The following TLK1 variants were observed in gnomAD, a reference collection of about 807,000 sequenced individuals.
TLK1 encodes the protein tousled like kinase 1.
A neutral mutation model predicts 105.3 loss-of-function variants in TLK1; 24 were observed. That is an observed-to-expected ratio of 0.23 (90% confidence interval 0.17 to 0.32). The LOEUF is 0.32. TLK1 is among the 10% of genes least tolerant of loss of function. TLK1 has a pLI of 1.00. For missense variants in TLK1, 558 were observed against 910.5 expected, an observed-to-expected ratio of 0.61 and a Z score of 4.98; for synonymous variants, 321 against 310.4, an observed-to-expected ratio of 1.03 and a Z score of -0.36.
chr2:171,053,909 C>A, intron 7 of TLK1, 56 bp from the exon 8 acceptor site: 1 of 1,273,964 alleles, frequency 7.8e-7, no homozygotes. Flanking sequence ...TTCAAGCAAA[C>A]ATAAAACTAG....
chr2:171,224,501 G>C (rs1275851350), intron 1 of TLK1, among the ~76,000 whole-genome samples: 1 of 151,900 alleles, frequency 6.6e-6, no homozygotes, highest in Non-Finnish European at 1.5e-5. Context: ...TGAAACTTTA[G>C]ACTGCTTTGT....
At position 170,991,055 on chromosome 2, in the gene TLK1, C is replaced by T. The variant is rs1401532675; in HGVS notation, c.*2725G>A. On this transcript the variant is annotated 3_prime_UTR_variant, in exon 21 of 21. Transcript: ENST00000431350. ...TTATTTTTGAAAAACCACCAAGTAT[C>T]TCCAACTCCCAACTTACAAATTAGG... 1.3e-5 allele frequency: 2 copies of T among 151,836 alleles called. No homozygotes were observed. Among genetic ancestry groups the T allele is most frequent in the Non-Finnish European group, 2.9e-5 (2 of 67,972 alleles). 9.4% of individuals were successfully genotyped at this position (151,836 alleles called of 1,614,324 possible). A position where few individuals can be genotyped will look rare whatever the true frequency, so the allele number is the denominator to read the frequency against.
At chr2:171,182,979 G>A (rs1391136525) in intron 1 of TLK1, among the ~76,000 whole-genome samples, 7 of 151,154 alleles carry the variant, frequency 4.6e-5, no homozygotes, top group Non-Finnish European at 1.0e-4. Context: ...ACATTATTGT[G>A]ACGCTGGACA....
intron 11 of TLK1, among the ~76,000 whole-genome samples, chr2:171,040,132 GA>G (rs1686590402): frequency 6.6e-6 from 1 of 151,138 alleles, no homozygotes; most frequent in Non-Finnish European, 1.5e-5. Flanking sequence ...TAAAAGGTGA[GA>G]AAAAAAGAAA....
At chr2:171,106,936 C>A (rs1339940232) in intron 2 of TLK1, among the ~76,000 whole-genome samples, 3 of 151,858 alleles carry the variant, frequency 2.0e-5, no homozygotes, top group Non-Finnish European at 4.4e-5. Flanking sequence ...GTCACAAAAA[C>A]GTCCTTTATA....
At chr2:171,127,280 AAAAAAAAAAAAAAG>A (rs1690909078) in intron 1 of TLK1, among the ~76,000 whole-genome samples, 1 of 117,622 alleles carries the variant, frequency 8.5e-6, no homozygotes, top group Non-Finnish European at 1.8e-5. Context: ...CCCGTCTCAA[AAAAAAAAAAAAAAG>A]AAAGAAAAAA....
intron 3 of TLK1, among the ~76,000 whole-genome samples, chr2:171,076,625 CG>C (rs1190768217): frequency 4.0e-5 from 6 of 151,424 alleles, no homozygotes; most frequent in Non-Finnish European, 7.4e-5. Flanking sequence ...CTGAGCAGGA[CG>C]TGGTGGCTCA....
intron 12 of TLK1, among the ~76,000 whole-genome samples, chr2:171,021,432 ACTTTTTTTTTTTTTTTTTTT>A (rs1450550717): frequency 9.1e-6 from 1 of 110,342 alleles, no homozygotes; most frequent in Non-Finnish European, 1.8e-5. Context: ...TCCCGCCCCG[ACTTTTTTTTTTTTTTTTTTT>A]TTTTTTTTTT....
chr2:171,076,954 T>C (rs1423098598), intron 3 of TLK1, among the ~76,000 whole-genome samples: 1 of 151,764 alleles, frequency 6.6e-6, no homozygotes, highest in African/African-American at 2.4e-5. Context: ...GAAACACTGG[T>C]ACTCAAGAAA....
chr2:171,103,264 T>TATATATATATATATATA (rs1689768316), intron 2 of TLK1, among the ~76,000 whole-genome samples: 14 of 136,466 alleles, frequency 1.0e-4, no homozygotes, highest in Non-Finnish European at 1.7e-4. Flanking sequence ...GATCTCAAAT[T>TATATATATATATATATA]TATATATATA....
intron 1 of TLK1, among the ~76,000 whole-genome samples, chr2:171,176,000 G>T (rs1000882956): frequency 6.6e-6 from 1 of 151,954 alleles, no homozygotes; most frequent in Non-Finnish European, 1.5e-5. Context: ...GCAATGGCGC[G>T]ACCTCTGCTC....
Position 171,062,865 on chromosome 2 carries a change from T to A in TLK1, c.331-1709A>T, listed in dbSNP as rs556414809. On this transcript the variant is annotated intron_variant, in intron 3 of 20. Coordinates refer to ENST00000431350, the MANE Select transcript of TLK1 (RefSeq NM_012290.5). ...ATGTTTTCATTTCACAAACCAGAAG[T>A]CTTAAAGAAATCCACCCTAACTGGC... is the stretch of plus-strand genomic sequence containing the variant. 6.6e-5 allele frequency among the ~76,000 whole-genome samples: 10 copies of A among 152,270 alleles called. No homozygotes were observed. The South Asian group carries it at 1.5e-3, about 22-fold the overall frequency.
intron 1 of TLK1, among the ~76,000 whole-genome samples, chr2:171,140,959 A>G (rs1397575643): frequency 1.3e-5 from 2 of 152,216 alleles, no homozygotes; most frequent in African/African-American, 4.8e-5. Flanking sequence ...AGTAAAATAA[A>G]CTAAATTAAA....
chr2:171,151,986 G>A (rs915420567), intron 1 of TLK1, among the ~76,000 whole-genome samples: 4 of 152,166 alleles, frequency 2.6e-5, no homozygotes, highest in Non-Finnish European at 2.9e-5. Flanking sequence ...GAGACAGGAT[G>A]AGTATGATTA....
intron 1 of TLK1, among the ~76,000 whole-genome samples, chr2:171,145,249 A>C (rs1188620441): frequency 6.6e-6 from 1 of 152,168 alleles, no homozygotes; most frequent in Non-Finnish European, 1.5e-5. Context: ...CAGAGGTTGC[A>C]GTGAGCCGAG....
At chr2:171,056,609 G>A in intron 5 of TLK1, 43 bp from the exon 6 acceptor site, 1 of 1,476,746 alleles carries the variant, frequency 6.8e-7, no homozygotes, top group Non-Finnish European at 9.4e-7. Flanking sequence ...ACTAAAGCAG[G>A]CTCAGACAGT....
At chr2:171,081,780 G>C (rs1161906530) in intron 3 of TLK1, 1 of 1,062,454 alleles carries the variant, frequency 9.4e-7, no homozygotes, top group Non-Finnish European at 1.3e-6. Context: ...TGCCTGCACA[G>C]AACTGCACGA....
intron 1 of TLK1, among the ~76,000 whole-genome samples, chr2:171,201,942 T>A (rs922552921): frequency 6.8e-6 from 1 of 146,634 alleles, no homozygotes; most frequent in Non-Finnish European, 1.5e-5. Context: ...TCTATCTATC[T>A]ATCATCAATC....
At chr2:171,212,002 C>G (rs903952170) in intron 1 of TLK1, among the ~76,000 whole-genome samples, 1 of 151,986 alleles carries the variant, frequency 6.6e-6, no homozygotes, top group South Asian at 2.1e-4. Context: ...TGCACCACTA[C>G]GCCCAGCTAA....
Sources: allele counts gnomAD v4.1 joint callset (sites outside exome capture counted in the v4.1 genomes callset), GRCh38; gene constraint gnomAD v4.1.1; transcripts MANE v1.5; gene names NCBI Gene and HGNC (gene_info 2026-07-23, HGNC 2026-07-21).